The following ATXN8OS variants were observed in gnomAD, a reference collection of about 807,000 sequenced individuals.
The protein encoded by ATXN8OS is ATXN8 opposite strand lncRNA.
At chr13:70,107,815 C>A (rs1888112396) in exon 1 of ATXN8OS, 1 of 760,378 alleles carries the variant, frequency 1.3e-6, no homozygotes, top group South Asian at 2.0e-5. Flanking sequence ...GCCCTCTGCA[C>A]CCCTAGAGCC....
intron 4 of ATXN8OS, among the ~76,000 whole-genome samples, chr13:70,154,133 GCA>G (rs1380466359): frequency 6.6e-6 from 1 of 152,136 alleles, no homozygotes; most frequent in Admixed American, 6.5e-5. Context: ...TTGAGGGCGA[GCA>G]CACACAGTTT....
intron 2 of ATXN8OS, among the ~76,000 whole-genome samples, chr13:70,125,499 ATC>A (rs1888420409): frequency 6.6e-6 from 1 of 152,166 alleles, no homozygotes; most frequent in Non-Finnish European, 1.5e-5. Flanking sequence ...AAATTTCCCT[ATC>A]TGATATTTCT....
intron 1 of ATXN8OS, among the ~76,000 whole-genome samples, chr13:70,110,344 A>G (rs189857302): frequency 6.6e-6 from 1 of 152,304 alleles, no homozygotes; most frequent in African/African-American, 2.4e-5. Flanking sequence ...GAATATATTT[A>G]AATAAAATTC....
chr13:70,118,380 A>T (rs541612636), intron 2 of ATXN8OS, among the ~76,000 whole-genome samples: 58 of 152,204 alleles, frequency 3.8e-4, no homozygotes, highest in African/African-American at 1.4e-3. Flanking sequence ...GACCATTAAT[A>T]TTTATTGAAC....
At chr13:70,170,322 G>A (rs1044686399) in exon 5 of ATXN8OS, among the ~76,000 whole-genome samples, 1 of 152,000 alleles carries the variant, frequency 6.6e-6, no homozygotes, top group African/African-American at 2.4e-5. Context: ...AATGGTTTAA[G>A]GTCTTTATTC....
chr13:70,117,571 G>A (rs1488322594), intron 2 of ATXN8OS, among the ~76,000 whole-genome samples: 2 of 151,990 alleles, frequency 1.3e-5, no homozygotes, highest in Non-Finnish European at 2.9e-5. Context: ...ATTCCTCCTA[G>A]TTGCCTACTG....
Position 70,138,409 on chromosome 13 carries a change from T to C in ATXN8OS, n.499+8525T>C, listed in dbSNP as rs201343987. ...TTTTTTATCAAATTTGTTAATTTTA[T>C]TTCATTTAAAGCTGAAAATTTTAAA... On this transcript the variant is annotated intron_variant and non_coding_transcript_variant, in intron 3 of 4. Transcript: ENST00000678624. 3.9e-5 allele frequency among the ~76,000 whole-genome samples: 6 copies of C among 152,192 alleles called. No homozygotes were observed. In the East Asian group the frequency reaches 1.2e-3, roughly 29 times the overall value.
At chr13:70,166,384 T>C (rs1889075481) in intron 4 of ATXN8OS, among the ~76,000 whole-genome samples, 1 of 152,002 alleles carries the variant, frequency 6.6e-6, no homozygotes, top group Admixed American at 6.6e-5. Flanking sequence ...ATCTGATCTT[T>C]GACAAACCTG....
chr13:70,152,433 A>G (rs944546890), intron 4 of ATXN8OS, among the ~76,000 whole-genome samples: 39 of 152,122 alleles, frequency 2.6e-4, no homozygotes, highest in African/African-American at 8.7e-4. Flanking sequence ...ACATATGTAC[A>G]TATATGTGTA....
chr13:70,152,568 G>T (rs1888884014), intron 4 of ATXN8OS, among the ~76,000 whole-genome samples: 1 of 151,836 alleles, frequency 6.6e-6, no homozygotes, highest in African/African-American at 2.4e-5. Context: ...TTGATTTAGG[G>T]CTTTTTTTCA....
At chr13:70,125,876 C>T (rs1888426204) in intron 2 of ATXN8OS, among the ~76,000 whole-genome samples, 2 of 152,094 alleles carry the variant, frequency 1.3e-5, no homozygotes, top group African/African-American at 4.8e-5. Flanking sequence ...TGCTCTGCTT[C>T]TCTTACTCCC....
At chr13:70,126,180 AT>A (rs1888432108) in intron 2 of ATXN8OS, among the ~76,000 whole-genome samples, 1 of 152,134 alleles carries the variant, frequency 6.6e-6, no homozygotes. Context: ...TAAGCTCATC[AT>A]CTTTTTACTT....
intron 2 of ATXN8OS, among the ~76,000 whole-genome samples, chr13:70,123,105 G>A (rs113105784): frequency 8.8e-4 from 134 of 152,012 alleles, no homozygotes; most frequent in African/African-American, 2.7e-3. Context: ...TCTCTAAATC[G>A]AAATTCTCCA....
At chr13:70,167,023 C>G (rs534879395) in intron 4 of ATXN8OS, among the ~76,000 whole-genome samples, 1 of 151,994 alleles carries the variant, frequency 6.6e-6, no homozygotes, top group East Asian at 1.9e-4. Flanking sequence ...ACAACAGGTG[C>G]TGGAGAGGTT....
intron 1 of ATXN8OS, among the ~76,000 whole-genome samples, chr13:70,113,153 G>A (rs922346617): frequency 6.6e-6 from 1 of 151,492 alleles, no homozygotes; most frequent in South Asian, 2.1e-4. Flanking sequence ...AACTCCTGAC[G>A]CTGTGATCCT....
At chr13:70,138,253 G>C (rs575134276) in intron 3 of ATXN8OS, among the ~76,000 whole-genome samples, 1 of 151,936 alleles carries the variant, frequency 6.6e-6, no homozygotes, top group South Asian at 2.1e-4. Flanking sequence ...ATTTAATTCA[G>C]TTACTTGTAC....
intron 4 of ATXN8OS, among the ~76,000 whole-genome samples, chr13:70,148,131 G>C (rs1417073199): frequency 2.6e-5 from 4 of 152,098 alleles, no homozygotes; most frequent in African/African-American, 9.7e-5. Flanking sequence ...AGATAGAATA[G>C]AGGGTGAATG....
At chr13:70,115,882 A>G (rs1888271997) in intron 2 of ATXN8OS, among the ~76,000 whole-genome samples, 1 of 152,128 alleles carries the variant, frequency 6.6e-6, no homozygotes, top group Non-Finnish European at 1.5e-5. Flanking sequence ...GTATTTCTAA[A>G]GTACTATAAA....
chr13:70,163,984 G>A (rs997480109), intron 4 of ATXN8OS, among the ~76,000 whole-genome samples: 4 of 150,330 alleles, frequency 2.7e-5, no homozygotes, highest in Non-Finnish European at 4.4e-5. Context: ...TGTGCTCAAT[G>A]AGGATGTGTA....
Sources: gnomAD v4.1 joint callset for allele counts (sites outside exome capture counted in the v4.1 genomes callset) on GRCh38, gnomAD v4.1.1 for gene constraint, MANE v1.5 for transcripts, NCBI Gene and HGNC (gene_info 2026-07-23, HGNC 2026-07-21) for gene names.